Variants in PEPD observed in about 807,000 individuals in gnomAD.
The protein encoded by PEPD is xaa-Pro dipeptidase.
A neutral mutation model predicts 60.7 loss-of-function variants in PEPD; 53 were observed. The observed-to-expected ratio is 0.87, with a 90% CI of 0.70 to 1.10. The LOEUF is 1.10. PEPD is among the 50% of genes least tolerant of loss of function. The pLI is 0.00. For missense variants in PEPD, 711 were observed against 711.9 expected, an observed-to-expected ratio of 1.00 and a Z score of 0.01; for synonymous variants, 267 against 284.1, an observed-to-expected ratio of 0.94 and a Z score of 0.60.
intron 5 of PEPD, among the ~76,000 whole-genome samples, 183 bp from the exon 6 acceptor site, chr19:33,490,240 T>C (rs1203010396): frequency 1.3e-5 from 2 of 152,146 alleles, no homozygotes; most frequent in African/African-American, 2.4e-5. Context: ...ACAGACCTCT[T>C]TGCTACCACT....
intron 12 of PEPD, among the ~76,000 whole-genome samples, chr19:33,401,488 C>G (rs1256365747): frequency 6.6e-6 from 1 of 152,202 alleles, no homozygotes; most frequent in Non-Finnish European, 1.5e-5. Flanking sequence ...GACCGGGGAG[C>G]CTTGGCCTGA....
intron 9 of PEPD, among the ~76,000 whole-genome samples, chr19:33,439,278 C>T (rs1349900100): frequency 6.6e-6 from 1 of 152,236 alleles, no homozygotes; most frequent in Non-Finnish European, 1.5e-5. Flanking sequence ...GCCTCCTGGC[C>T]TTCCTGCCCC....
At chr19:33,518,164 G>A (rs1156242775) in intron 1 of PEPD, among the ~76,000 whole-genome samples, 7 of 152,274 alleles carry the variant, frequency 4.6e-5, no homozygotes, top group South Asian at 2.1e-4. Context: ...ACAGGACCTC[G>A]AGGCAACTGG....
chr19:33,470,842 C>T (rs1042994515), intron 7 of PEPD, among the ~76,000 whole-genome samples: 1 of 152,156 alleles, frequency 6.6e-6, no homozygotes, highest in Non-Finnish European at 1.5e-5. Flanking sequence ...GGCAAAGCCT[C>T]CTCAGGCTCC....
At chr19:33,468,898 G>A (rs181985182) in intron 7 of PEPD, among the ~76,000 whole-genome samples, 1 of 152,318 alleles carries the variant, frequency 6.6e-6, no homozygotes, top group East Asian at 1.9e-4. Flanking sequence ...TCTGGGACCA[G>A]GCACTTGCTC....
intron 3 of PEPD, among the ~76,000 whole-genome samples, chr19:33,503,008 C>T (rs1970739834): frequency 6.6e-6 from 1 of 151,324 alleles, no homozygotes; most frequent in East Asian, 1.9e-4. Context: ...CCACGGAACA[C>T]GGTGGAGGGA....
intron 9 of PEPD, among the ~76,000 whole-genome samples, chr19:33,427,168 C>T (rs1025988802): frequency 6.6e-6 from 1 of 152,216 alleles, no homozygotes; most frequent in South Asian, 2.1e-4. Flanking sequence ...GGCAGTCACG[C>T]CGCCCCTACA....
At chr19:33,436,119 G>T (rs974758966) in intron 9 of PEPD, among the ~76,000 whole-genome samples, 1 of 151,960 alleles carries the variant, frequency 6.6e-6, no homozygotes, top group Admixed American at 6.6e-5. Context: ...GGAGAGCGGG[G>T]AGAAAAGAAG....
chr19:33,485,678 C>T (rs1970383348), intron 6 of PEPD, among the ~76,000 whole-genome samples: 1 of 152,096 alleles, frequency 6.6e-6, no homozygotes, highest in South Asian at 2.1e-4. Flanking sequence ...CCTGCATTAA[C>T]AACCCCCAAA....
At chr19:33,434,373 C>T (rs1231472068) in intron 9 of PEPD, among the ~76,000 whole-genome samples, 2 of 152,142 alleles carry the variant, frequency 1.3e-5, no homozygotes, top group African/African-American at 4.8e-5. Flanking sequence ...TGTGTGGACG[C>T]TGCCAGCTGT....
chr19:33,469,452 G>C (rs982687407), intron 7 of PEPD, among the ~76,000 whole-genome samples: 2 of 152,102 alleles, frequency 1.3e-5, no homozygotes, highest in Non-Finnish European at 2.9e-5. Context: ...TGCCCCCCAC[G>C]GGAGCCGCCA....
chr19:33,503,727 G>A (rs180801638), intron 3 of PEPD, among the ~76,000 whole-genome samples: 25 of 152,282 alleles, frequency 1.6e-4, no homozygotes, highest in Admixed American at 1.5e-3. Flanking sequence ...AACACCCTGC[G>A]TCCCTCAGTT....
intron 12 of PEPD, chr19:33,396,017 C>G (rs1968350780): frequency 6.6e-6 from 1 of 152,404 alleles, no homozygotes; most frequent in Non-Finnish European, 1.5e-5. Flanking sequence ...GCCCAGGCTG[C>G]TCCTCGAGTC....
chr19:33,468,798 C>A (rs963771893), intron 7 of PEPD, among the ~76,000 whole-genome samples: 15 of 152,206 alleles, frequency 9.9e-5, no homozygotes, highest in Admixed American at 9.2e-4. Context: ...CCCTTTCTCT[C>A]GGCGGAGGCA....
chr19:33,432,650 C>T (rs1969298063), intron 9 of PEPD, among the ~76,000 whole-genome samples: 1 of 152,260 alleles, frequency 6.6e-6, no homozygotes, highest in South Asian at 2.1e-4. Context: ...AACGAGCCTG[C>T]TGCCATGAAC....
chr19:33,464,626 G>A (rs1463180798), intron 7 of PEPD, among the ~76,000 whole-genome samples: 3 of 152,164 alleles, frequency 2.0e-5, no homozygotes, highest in Non-Finnish European at 4.4e-5. Context: ...GACACAGCAG[G>A]AGACCAGGAG....
intron 12 of PEPD, among the ~76,000 whole-genome samples, chr19:33,399,685 C>G (rs1309799401): frequency 6.6e-6 from 1 of 152,192 alleles, no homozygotes; most frequent in Non-Finnish European, 1.5e-5. Context: ...ATCCCAGCAA[C>G]GGGCTGTGGG....
intron 7 of PEPD, chr19:33,477,309 A>G: frequency 6.5e-6 from 1 of 153,456 alleles, no homozygotes; most frequent in Non-Finnish European, 1.5e-5. Flanking sequence ...GCTAGACAGG[A>G]AAGAAAATGT....
In PEPD at chr19:33,401,816, G is replaced by A; in HGVS notation, c.872C>T (p.Ser291Phe). 6.2e-7 allele frequency: 1 copy of A among 1,613,220 alleles called. No homozygotes were observed. The change falls in exon 12 of 15, where the codon TCC (serine) becomes TTC (phenylalanine). Residue 291 changes from serine to phenylalanine, a missense_variant. Physicochemically the swap from Ser to Phe is radical, Grantham distance 155 (BLOSUM62 -2). Coordinates refer to ENST00000244137, the MANE Select transcript of PEPD (RefSeq NM_000285.4). The stretch of plus-strand genomic sequence containing the variant: ...AGTGAACTTGCCGTTGGCGGGAAAG[G>A]AGCAGGTGATGTCGGAAGCGAAGCA... ...YYCFASDITCSFPANGKFTAD... is the reference protein window; with the variant it reads ...YYCFASDITCFFPANGKFTAD...
Sources: allele counts gnomAD v4.1 joint callset (sites outside exome capture counted in the v4.1 genomes callset), GRCh38; gene constraint gnomAD v4.1.1; transcripts MANE v1.5; gene names NCBI Gene and HGNC (gene_info 2026-07-23, HGNC 2026-07-21).